The following KSR2 variants were observed in gnomAD, a reference collection of about 807,000 sequenced individuals.
KSR2 encodes the protein kinase suppressor of ras 2.
In KSR2, 25 loss-of-function variants were observed where a neutral mutation model predicts 107.8. The ratio of observed to expected loss-of-function variants is 0.23; its 90% CI spans 0.17 to 0.32. The LOEUF (loss-of-function observed/expected upper bound fraction) is 0.32. Among genes scored for constraint, KSR2 ranks in the 10% least tolerant of loss-of-function variants. KSR2 has a pLI of 1.00. For missense variants in KSR2, 887 were observed against 1,268.9 expected (o/e 0.70, Z 4.57); for synonymous variants, 480 against 507.0 (o/e 0.95, Z 0.71).
chr12:117,761,775 T>TATATCATATGCACATC (rs576040353), intron 3 of KSR2, among the ~76,000 whole-genome samples: 1 of 152,202 alleles, frequency 6.6e-6, no homozygotes, highest in Non-Finnish European at 1.5e-5. Context: ...GTATGCATGT[T>TATATCATATGCACATC]ATATCATATG....
At chr12:117,763,438 C>T (rs1338595345) in intron 3 of KSR2, among the ~76,000 whole-genome samples, 2 of 152,206 alleles carry the variant, frequency 1.3e-5, no homozygotes, top group Non-Finnish European at 2.9e-5. Context: ...CATGCAACCA[C>T]GTAAAGCCTT....
chr12:117,552,804 A>C (rs534519591), intron 9 of KSR2, among the ~76,000 whole-genome samples: 1 of 152,354 alleles, frequency 6.6e-6, no homozygotes, highest in East Asian at 1.9e-4. Context: ...CTGTGTTCCA[A>C]TAAAATTTTA....
chr12:117,898,283 TC>T (rs1290291951), intron 1 of KSR2, among the ~76,000 whole-genome samples: 2 of 152,162 alleles, frequency 1.3e-5, no homozygotes, highest in African/African-American at 4.8e-5. Context: ...TCTTCCACTT[TC>T]TTTAGGAAAA....
intron 4 of KSR2, among the ~76,000 whole-genome samples, chr12:117,725,848 G>A (rs1887404236): frequency 6.6e-6 from 1 of 152,122 alleles, no homozygotes; most frequent in African/African-American, 2.4e-5. Context: ...TCAAGAGGGG[G>A]AGGCACAAGA....
At chr12:117,825,808 CAGATGGAAGAATGGAT>C (rs1194766066) in intron 3 of KSR2, among the ~76,000 whole-genome samples, 1 of 150,730 alleles carries the variant, frequency 6.6e-6, no homozygotes, top group African/African-American at 2.4e-5. Context: ...GAGGAATGGA[CAGATGGAAGAATGGAT>C]AGATGGATGG....
rs150356424 is a variant in KSR2, at chr12:117,457,026, C to T, written c.*10173G>A. The stretch of plus-strand genomic sequence containing the variant: ...CCTCAGAAAGCAACACCAAGATTGC[C>T]GGATGCAAGTCTCAAGATTTCAGCT... On this transcript the variant is annotated 3_prime_UTR_variant, in exon 20 of 20. Coordinates refer to ENST00000339824, the MANE Select transcript of KSR2 (RefSeq NM_173598.6). 1.2e-4 allele frequency: 18 copies of T among 152,278 alleles called. No homozygotes were observed. Among genetic ancestry groups the T allele is most frequent in the African/African-American group, 3.9e-4 (16 of 41,546 alleles). 9.4% of individuals were successfully genotyped at this position (152,278 alleles called of 1,614,324 possible). A position where few individuals can be genotyped will look rare whatever the true frequency, so the allele number is the denominator to read the frequency against.
Position 117,757,947 on chromosome 12 carries a change from T to A in KSR2, c.986+3064A>T, listed in dbSNP as rs563325172. 2.0e-5 allele frequency among the ~76,000 whole-genome samples: 3 copies of A among 152,266 alleles called. No homozygotes were observed. The South Asian group carries it at 6.2e-4, about 32-fold the overall frequency. On this transcript the variant is annotated intron_variant, in intron 4 of 19. Coordinates refer to ENST00000339824, the MANE Select transcript of KSR2 (RefSeq NM_173598.6). ...TGCCTGTACTTACTGAAAACAAGTTTTACAAAACAACACTAAAACGCTTAC... is the reference window on the plus strand; with the variant it reads ...TGCCTGTACTTACTGAAAACAAGTTATACAAAACAACACTAAAACGCTTAC...
chr12:117,911,085 A>T (rs1894994729), intron 1 of KSR2, among the ~76,000 whole-genome samples: 1 of 151,980 alleles, frequency 6.6e-6, no homozygotes, highest in Non-Finnish European at 1.5e-5. Context: ...TCTTCTGTTA[A>T]ACCTTATCTA....
chr12:117,928,113 C>T (rs921632888), intron 1 of KSR2, among the ~76,000 whole-genome samples: 33 of 151,828 alleles, frequency 2.2e-4, no homozygotes, highest in African/African-American at 6.8e-4. Context: ...TGGCTTCTTT[C>T]ACTCAGCATC....
chr12:117,502,932 G>A (rs1460186508), intron 14 of KSR2, among the ~76,000 whole-genome samples: 1 of 152,146 alleles, frequency 6.6e-6, no homozygotes, highest in Non-Finnish European at 1.5e-5. Context: ...GAAGGACCTA[G>A]GAGATTTGAA....
At chr12:117,592,844 C>T (rs1018052468) in intron 5 of KSR2, among the ~76,000 whole-genome samples, 1 of 151,854 alleles carries the variant, frequency 6.6e-6, no homozygotes, top group Non-Finnish European at 1.5e-5. Flanking sequence ...ACACTGGTGG[C>T]CAATCGGGGG....
chr12:117,655,911 A>G (rs936416211), intron 5 of KSR2, among the ~76,000 whole-genome samples: 23 of 152,298 alleles, frequency 1.5e-4, no homozygotes, highest in African/African-American at 5.3e-4. Context: ...ATTAAGATCA[A>G]TGGGAAACTA....
intron 5 of KSR2, among the ~76,000 whole-genome samples, chr12:117,596,825 A>T (rs1339461873): frequency 6.6e-6 from 1 of 152,254 alleles, no homozygotes; most frequent in African/African-American, 2.4e-5. Flanking sequence ...AATAAGGGTC[A>T]TAACAGGAGG....
intron 5 of KSR2, among the ~76,000 whole-genome samples, chr12:117,609,695 G>A (rs1881483827): frequency 6.6e-6 from 1 of 152,182 alleles, no homozygotes; most frequent in African/African-American, 2.4e-5. Context: ...ATATGACAGG[G>A]CTCTCAAGGG....
intron 14 of KSR2, chr12:117,517,625 T>A (rs1264364783): frequency 2.9e-6 from 1 of 348,460 alleles, no homozygotes; most frequent in Non-Finnish European, 5.6e-6. Context: ...ATAATGATGC[T>A]GTACATTTAT....
At chr12:117,622,190 AT>A (rs553862728) in intron 5 of KSR2, among the ~76,000 whole-genome samples, 43 of 149,472 alleles carry the variant, frequency 2.9e-4, no homozygotes, top group Middle Eastern at 3.4e-3. Context: ...GCACTTCTAT[AT>A]TTTTTTTTTG....
intron 1 of KSR2, among the ~76,000 whole-genome samples, chr12:117,905,424 G>A (rs143818454): frequency 1.6e-3 from 242 of 152,072 alleles, no homozygotes; most frequent in Middle Eastern, 3.4e-3. Flanking sequence ...TTTTGCCCGC[G>A]GACTCCACTC....
intron 1 of KSR2, among the ~76,000 whole-genome samples, chr12:117,942,254 A>T (rs1655717454): frequency 6.6e-6 from 1 of 152,068 alleles, no homozygotes; most frequent in Non-Finnish European, 1.5e-5. Flanking sequence ...CTTCTCTTCT[A>T]GCTATTTTGA....
intron 14 of KSR2, among the ~76,000 whole-genome samples, chr12:117,503,050 G>A (rs1873472771): frequency 6.6e-6 from 1 of 152,144 alleles, no homozygotes; most frequent in South Asian, 2.1e-4. Flanking sequence ...GAGTGTGCTG[G>A]CAGGAATCAT....
Sources: allele counts gnomAD v4.1 joint callset (sites outside exome capture counted in the v4.1 genomes callset), GRCh38; gene constraint gnomAD v4.1.1; transcripts MANE v1.5; gene names NCBI Gene and HGNC (gene_info 2026-07-23, HGNC 2026-07-21).